The following PPP2R2B variants were observed in gnomAD, a reference collection of about 807,000 sequenced individuals.
PPP2R2B encodes serine/threonine-protein phosphatase 2A 55 kDa regulatory subunit B beta isoform.
Under a neutral mutation model 46.0 loss-of-function variants are expected in PPP2R2B, and 5 were observed. The observed-to-expected ratio is 0.11, with a 90% confidence interval of 0.06 to 0.23. The LOEUF (loss-of-function observed/expected upper bound fraction) is 0.23, where lower values mean the gene tolerates loss of function less well. Among genes scored for constraint, PPP2R2B ranks in the 10% least tolerant of loss-of-function variants. PPP2R2B has a pLI of 1.00. For synonymous variants in PPP2R2B, 215 were observed against 206.7 expected, an observed-to-expected ratio of 1.04 and a Z score of -0.34; for missense variants, 367 against 575.0, an observed-to-expected ratio of 0.64 and a Z score of 3.70.
intron 1 of PPP2R2B, among the ~76,000 whole-genome samples, chr5:146,978,085 G>C (rs956043659): frequency 6.6e-6 from 1 of 152,160 alleles, no homozygotes; most frequent in Non-Finnish European, 1.5e-5. Context: ...GCATGAGATG[G>C]TACCTCATTC....
intron 1 of PPP2R2B, among the ~76,000 whole-genome samples, chr5:147,014,515 A>C (rs1470924665): frequency 6.6e-6 from 1 of 152,148 alleles, no homozygotes; most frequent in African/African-American, 2.4e-5. Flanking sequence ...GACTGGATTA[A>C]GAAAATGTGG....
Position 146,581,482 on chromosome 5 carries a change from A to C in PPP2R2B, c.*8465T>G, listed in dbSNP as rs1014388464. 4.6e-5 allele frequency: 7 copies of C among 152,222 alleles called. No individual in the cohort carries two copies. The highest frequency in any genetic ancestry group is 2.6e-4 in the Admixed American group (4 of 15,284). 9.4% of individuals were successfully genotyped at this position (152,222 alleles called of 1,614,324 possible). A position where few individuals can be genotyped will look rare whatever the true frequency, so the allele number is the denominator to read the frequency against. On this transcript the variant is annotated 3_prime_UTR_variant, in exon 10 of 10. Transcript: ENST00000394411. ...CAAACACTGGGGATTACAATTTGAC[A>C]TGAGATTATGGTGAGGACACAGATC...
At chr5:146,656,185 G>A (rs898267742) in intron 5 of PPP2R2B, among the ~76,000 whole-genome samples, 2 of 152,096 alleles carry the variant, frequency 1.3e-5, no homozygotes, top group Non-Finnish European at 1.5e-5. Context: ...GCTAGCAAGC[G>A]AGAGGTATGC....
intron 4 of PPP2R2B, among the ~76,000 whole-genome samples, chr5:146,696,090 A>C (rs1446256161): frequency 6.6e-6 from 1 of 152,006 alleles, no homozygotes; most frequent in Non-Finnish European, 1.5e-5. Flanking sequence ...CCAACAAAGT[A>C]GTTAATAAAT....
chr5:146,995,960 A>G (rs1753905667), intron 1 of PPP2R2B, among the ~76,000 whole-genome samples: 2 of 152,242 alleles, frequency 1.3e-5, no homozygotes, highest in Non-Finnish European at 2.9e-5. Context: ...GTTCTGAGGC[A>G]GAGTTCAAAT....
rs754632053 is a variant in PPP2R2B at position 146,777,243 on chromosome 5, C to T, written c.71-76101G>A. Among the ~76,000 whole-genome samples, 4 of 151,912 alleles carry T rather than the reference C, an allele frequency of 2.6e-5. 1 individual carries two copies. The highest frequency in any genetic ancestry group is 1.3e-4 in the Admixed American group (2 of 15,250). On this transcript the variant is annotated intron_variant, in intron 2 of 9. Coordinates refer to ENST00000394411, the MANE Select transcript of PPP2R2B (RefSeq NM_181675.4). Reference sequence around the variant, plus strand: ...ACCTAAGTGCTCATCAACAGAAGAACGAATAAATAAAATGTGGCGCATATG... The same window carrying T: ...ACCTAAGTGCTCATCAACAGAAGAATGAATAAATAAAATGTGGCGCATATG...
At position 147,028,294 on chromosome 5, in the gene PPP2R2B, T is replaced by C. The variant is rs1755622741; in HGVS notation, c.79+27371A>G. 2.0e-5 allele frequency among the ~76,000 whole-genome samples: 3 copies of C among 152,300 alleles called. No individual in the cohort carries two copies. The South Asian group carries it at 6.2e-4, about 32-fold the overall frequency. On this transcript the variant is annotated intron_variant, in intron 1 of 8. Transcript: ENST00000336640. ...AGGCTAATAATAATTTAGCCCCTGA[T>C]TACTGCACTATGCTTTTTAAATTGA...
chr5:146,687,095 AGAGAGG>A (rs1241358966), intron 5 of PPP2R2B, among the ~76,000 whole-genome samples: 1 of 151,194 alleles, frequency 6.6e-6, no homozygotes, highest in Non-Finnish European at 1.5e-5. Flanking sequence ...AGGGAGAGGA[AGAGAGG>A]GAGAGGGAGA....
chr5:146,791,953 C>G (rs1756228552), intron 2 of PPP2R2B, among the ~76,000 whole-genome samples: 2 of 152,122 alleles, frequency 1.3e-5, no homozygotes, highest in South Asian at 4.1e-4. Context: ...TTCCATCTTA[C>G]TGAATATAGG....
intron 1 of PPP2R2B, among the ~76,000 whole-genome samples, chr5:146,944,368 G>T (rs1048995627): frequency 6.6e-6 from 1 of 152,070 alleles, no homozygotes; most frequent in South Asian, 2.1e-4. Flanking sequence ...AGAAAGAAAA[G>T]GTAGATCCCA....
chr5:146,788,756 G>A (rs1756006320), intron 2 of PPP2R2B, among the ~76,000 whole-genome samples: 1 of 151,992 alleles, frequency 6.6e-6, no homozygotes, highest in Admixed American at 6.6e-5. Context: ...CAAAAATTAT[G>A]GTGAAGGGTA....
At chr5:146,968,129 C>T (rs889778414) in intron 1 of PPP2R2B, among the ~76,000 whole-genome samples, 2 of 152,138 alleles carry the variant, frequency 1.3e-5, no homozygotes, top group African/African-American at 4.8e-5. Context: ...TTCTGGATCA[C>T]TGACCTGGGC....
chr5:146,678,855 G>C (rs201486029), intron 5 of PPP2R2B, among the ~76,000 whole-genome samples: 276 of 95,586 alleles, frequency 2.9e-3, no homozygotes, highest in African/African-American at 6.8e-3. Flanking sequence ...AGGACCTCTT[G>C]AAGGAGAACT....
intron 2 of PPP2R2B, among the ~76,000 whole-genome samples, chr5:146,851,823 A>G (rs1561959070): frequency 6.7e-6 from 1 of 148,750 alleles, no homozygotes; most frequent in African/African-American, 2.5e-5. Context: ...GAGAGTCTTC[A>G]TTTTTTTTTT....
chr5:147,052,306 T>C (rs557085220), intron 1 of PPP2R2B, among the ~76,000 whole-genome samples: 1 of 152,298 alleles, frequency 6.6e-6, no homozygotes, highest in South Asian at 2.1e-4. Context: ...GCCTTGGTAT[T>C]TGTCATCTTT....
chr5:146,874,030 C>T (rs1761760948), intron 2 of PPP2R2B, among the ~76,000 whole-genome samples: 1 of 152,186 alleles, frequency 6.6e-6, no homozygotes, highest in Non-Finnish European at 1.5e-5. Context: ...TTGTTAATTG[C>T]AAATTCATCC....
rs144814849 is a variant in PPP2R2B at position 146,872,028 on chromosome 5, C to G, written c.70+5974G>C. 2.0e-5 allele frequency among the ~76,000 whole-genome samples: 3 copies of G among 152,178 alleles called. No individual in the cohort carries two copies. In the East Asian group the frequency reaches 5.8e-4, roughly 29 times the overall value. ...CCTCAGCTAAGTGTCGAAATTGGAC[C>G]CCTATTTCTTCTTAAATGCAAACGC... On this transcript the variant is annotated intron_variant, in intron 2 of 9. Coordinates refer to ENST00000394411, the MANE Select transcript of PPP2R2B (RefSeq NM_181675.4).
rs552447183 is a variant in PPP2R2B at position 146,745,598 on chromosome 5, C to T, written c.71-44456G>A. 2.3e-4 allele frequency among the ~76,000 whole-genome samples: 35 copies of T among 152,288 alleles called. No homozygotes were observed. The South Asian group carries it at 6.8e-3, about 30-fold the overall frequency. ...ACTGAATCTCTTTGAACTTCAGTTTCCCCACATAAACTGCTTGCCTTCTGG... is the reference window on the plus strand; with the variant it reads ...ACTGAATCTCTTTGAACTTCAGTTTTCCCACATAAACTGCTTGCCTTCTGG... On this transcript the variant is annotated intron_variant, in intron 2 of 9. Coordinates refer to ENST00000394411, the MANE Select transcript of PPP2R2B (RefSeq NM_181675.4).
intron 9 of PPP2R2B, chr5:146,592,115 A>G: frequency 2.3e-6 from 1 of 443,488 alleles, no homozygotes; most frequent in Non-Finnish European, 4.5e-6. Context: ...TTCTTATGTC[A>G]CAGTTGCTTT....
Sources: gnomAD v4.1 joint callset for allele counts (sites outside exome capture counted in the v4.1 genomes callset) on GRCh38, gnomAD v4.1.1 for gene constraint, MANE v1.5 for transcripts, NCBI Gene and HGNC (gene_info 2026-07-23, HGNC 2026-07-21) for gene names.